Variants in DNAJB6 observed in about 807,000 individuals in gnomAD.
DNAJB6 encodes dnaJ homolog subfamily B member 6.
In DNAJB6, 16 loss-of-function variants were observed where a neutral mutation model predicts 42.7. The observed-to-expected ratio is 0.37, with a 90% CI of 0.25 to 0.57. DNAJB6 has a LOEUF of 0.57. Among genes scored for constraint, DNAJB6 ranks in the 20% least tolerant of loss-of-function variants. DNAJB6 has a pLI of 0.74. For missense variants in DNAJB6, 347 were observed against 416.8 expected (o/e 0.83, Z 1.46); for synonymous variants, 170 against 163.5 (o/e 1.04, Z -0.30).
At chr7:157,340,403 C>G (rs1436142247) in intron 1 of DNAJB6, among the ~76,000 whole-genome samples, 1 of 151,308 alleles carries the variant, frequency 6.6e-6, no homozygotes, top group Admixed American at 6.6e-5. Flanking sequence ...TTGAGAATAT[C>G]AAACTCAAAA....
At chr7:157,342,292 G>A (rs1056741406) in intron 1 of DNAJB6, among the ~76,000 whole-genome samples, 4 of 150,336 alleles carry the variant, frequency 2.7e-5, no homozygotes, top group African/African-American at 7.4e-5. Flanking sequence ...CTCAGGCTCC[G>A]GAGTAGCTGG....
intron 1 of DNAJB6, among the ~76,000 whole-genome samples, chr7:157,354,481 A>G (rs1799171058): frequency 6.6e-6 from 1 of 151,274 alleles, no homozygotes; most frequent in African/African-American, 2.4e-5. Flanking sequence ...TTTTAAAAAA[A>G]TTATTTTCAT....
At chr7:157,403,770 T>G (rs1795630319) in intron 8 of DNAJB6, among the ~76,000 whole-genome samples, 3 of 152,234 alleles carry the variant, frequency 2.0e-5, no homozygotes, top group Admixed American at 2.0e-4. Flanking sequence ...GTTTCCCAAA[T>G]TAGCAACCAA....
intron 2 of DNAJB6, among the ~76,000 whole-genome samples, 161 bp from the exon 3 acceptor site, chr7:157,363,000 G>A (rs996776949): frequency 6.6e-6 from 1 of 152,154 alleles, no homozygotes; most frequent in African/African-American, 2.4e-5. Flanking sequence ...AGAACTTTGT[G>A]TATTTCATTG....
At chr7:157,381,743 C>CGTG (rs1433506248) in intron 5 of DNAJB6, 1 of 96,050 alleles carries the variant, frequency 1.0e-5, no homozygotes, top group Non-Finnish European at 2.1e-5. Context: ...CACACCATTC[C>CGTG]TCGTGTGTGT....
In DNAJB6 at chr7:157,355,675, G is replaced by A. The variant is rs941830398; in HGVS notation, c.-26-2872G>A. Among the ~76,000 whole-genome samples the A allele has an allele frequency of 2.0e-5, 3 of 152,216 alleles. No homozygotes were observed. The East Asian group carries it at 5.8e-4, about 29-fold the overall frequency. On this transcript the variant is annotated intron_variant, in intron 1 of 9. Coordinates refer to ENST00000262177, the MANE Select transcript of DNAJB6 (RefSeq NM_058246.4). ...CCAGGCAAGGAAGTGGAGCGGCTAA[G>A]GGTAAGCAGTGCAGGAGGAGCGCAG...
At chr7:157,384,718 C>G (rs532537566) in intron 6 of DNAJB6, 149 bp from the exon 7 acceptor site, 2 of 731,348 alleles carry the variant, frequency 2.7e-6, no homozygotes, top group South Asian at 1.9e-5. Flanking sequence ...CCCAGCACTT[C>G]AGCTGAGGCC....
chr7:157,339,602 T>A (rs986788516), intron 1 of DNAJB6, among the ~76,000 whole-genome samples: 2 of 19,628 alleles, frequency 1.0e-4, no homozygotes, highest in Non-Finnish European at 1.9e-4. Flanking sequence ...CCCGGCCTTT[T>A]GTGTGTGTGT....
At chr7:157,375,016 A>G (rs1426084902) in intron 5 of DNAJB6, among the ~76,000 whole-genome samples, 1 of 152,142 alleles carries the variant, frequency 6.6e-6, no homozygotes, top group Non-Finnish European at 1.5e-5. Context: ...AGAGATTGAG[A>G]TAGTTGCCGT....
chr7:157,367,283 C>A, intron 4 of DNAJB6, 90 bp from the exon 5 acceptor site: 1 of 885,130 alleles, frequency 1.1e-6, no homozygotes, highest in Non-Finnish European at 1.9e-6. Context: ...TTTATTAGTT[C>A]ATGATTTGTA....
intron 1 of DNAJB6, among the ~76,000 whole-genome samples, chr7:157,340,998 G>GCGCGCGCT (rs1554450093): frequency 0.076 from 10,269 of 134,800 alleles, 452 homozygotes; most frequent in Admixed American, 0.15. Context: ...GTGTGTGTGT[G>GCGCGCGCT]CGCGCGCGCA....
chr7:157,416,175 T>C lies in DNAJB6; in HGVS notation c.*77T>C. 3 of 1,562,878 alleles carry C rather than the reference T, an allele frequency of 1.9e-6. No homozygotes were observed. Among genetic ancestry groups the C allele is most frequent in the South Asian group, 2.3e-5 (2 of 86,686 alleles). On this transcript the variant is annotated 3_prime_UTR_variant, in exon 10 of 10. Coordinates refer to ENST00000262177, the MANE Select transcript of DNAJB6 (RefSeq NM_058246.4). The stretch of plus-strand genomic sequence containing the variant: ...TCGGCATGCGGTCGTGCACACGCGC[T>C]AGGTAGCAGCGTCGGTCAGGACTGT...
At chr7:157,352,450 C>G (rs1182374552) in intron 1 of DNAJB6, among the ~76,000 whole-genome samples, 3 of 151,642 alleles carry the variant, frequency 2.0e-5, no homozygotes, top group African/African-American at 7.3e-5. Flanking sequence ...GGATTACTCT[C>G]TGAATATTTA....
At chr7:157,340,993 TGTGTGC>T (rs1252119767) in intron 1 of DNAJB6, among the ~76,000 whole-genome samples, 1 of 83,722 alleles carries the variant, frequency 1.2e-5, no homozygotes, top group South Asian at 3.8e-4. Context: ...TGTGTGTGTG[TGTGTGC>T]GCGCGCGCAG....
chr7:157,393,353 C>G (rs963080675), intron 8 of DNAJB6, among the ~76,000 whole-genome samples: 8 of 151,972 alleles, frequency 5.3e-5, no homozygotes, highest in African/African-American at 1.5e-4. Context: ...TAATTTTTAC[C>G]CTTATTTTTC....
intron 8 of DNAJB6, among the ~76,000 whole-genome samples, chr7:157,402,303 C>T (rs1795554143): frequency 1.3e-5 from 2 of 152,210 alleles, no homozygotes; most frequent in Non-Finnish European, 1.5e-5. Context: ...ACAGGGAAGG[C>T]GCCTCTTCTT....
At chr7:157,347,487 G>A (rs1326135285) in intron 1 of DNAJB6, among the ~76,000 whole-genome samples, 2 of 152,178 alleles carry the variant, frequency 1.3e-5, no homozygotes, top group Admixed American at 1.3e-4. Context: ...GACTTTAGGT[G>A]CACGTGACTG....
intron 5 of DNAJB6, among the ~76,000 whole-genome samples, chr7:157,376,787 A>G (rs1318676662): frequency 1.3e-5 from 2 of 152,190 alleles, no homozygotes; most frequent in East Asian, 3.9e-4. Flanking sequence ...AGGCTGAGGC[A>G]GGAGAACTGC....
intron 1 of DNAJB6, among the ~76,000 whole-genome samples, chr7:157,352,651 T>A (rs577165032): frequency 4.6e-5 from 7 of 152,110 alleles, no homozygotes; most frequent in African/African-American, 1.4e-4. Flanking sequence ...CACTTCCTCA[T>A]TGTGTGAGAC....
Sources: allele counts gnomAD v4.1 joint callset (sites outside exome capture counted in the v4.1 genomes callset), GRCh38; gene constraint gnomAD v4.1.1; transcripts MANE v1.5; gene names NCBI Gene and HGNC (gene_info 2026-07-23, HGNC 2026-07-21).